The following TMTC1 variants were observed in gnomAD, a reference collection of about 807,000 sequenced individuals.
The protein encoded by TMTC1 is protein O-mannosyl-transferase TMTC1.
In TMTC1, 73 loss-of-function variants were observed where a neutral mutation model predicts 104.8. The ratio of observed to expected loss-of-function variants is 0.70; its 90% CI spans 0.58 to 0.85. TMTC1 has a LOEUF of 0.85. Ranked by LOEUF, TMTC1 falls within the 40% of genes least tolerant of loss-of-function variation. TMTC1 has a pLI of 0.00. For synonymous variants in TMTC1, 434 were observed against 428.7 expected (o/e 1.01, Z -0.15); for missense variants, 1,035 against 1,096.1 (o/e 0.94, Z 0.79).
chr12:29,548,488 C>T lies in TMTC1; in HGVS notation c.1676+8369G>A, dbSNP rs936474053. Among the ~76,000 whole-genome samples, 78 of 151,996 alleles carry T rather than the reference C, an allele frequency of 5.1e-4. 1 individual carries two copies. The highest frequency in any genetic ancestry group is 1.7e-3 in the African/African-American group (70 of 41,372). On this transcript the variant is annotated intron_variant, in intron 10 of 17. Transcript: ENST00000539277. Reference sequence around the variant, plus strand: ...GGGGCAGGTTTTCCCCATGTTGTTGCCCTGATAGTGAATAAGTCTCATGGA... The same window carrying T: ...GGGGCAGGTTTTCCCCATGTTGTTGTCCTGATAGTGAATAAGTCTCATGGA...
intron 7 of TMTC1, among the ~76,000 whole-genome samples, chr12:29,587,983 A>G (rs1946184490): frequency 6.6e-6 from 1 of 152,168 alleles, no homozygotes; most frequent in African/African-American, 2.4e-5. Flanking sequence ...AACAAGAGAG[A>G]GGCATTTGAG....
At chr12:29,697,498 A>T (rs1941459025) in intron 5 of TMTC1, among the ~76,000 whole-genome samples, 1 of 152,258 alleles carries the variant, frequency 6.6e-6, no homozygotes, top group Non-Finnish European at 1.5e-5. Flanking sequence ...TTCTCCAGAG[A>T]AACAGAACCA....
chr12:29,518,877 G>A (rs74081047), intron 12 of TMTC1, among the ~76,000 whole-genome samples: 5,211 of 152,172 alleles, frequency 0.034, 316 homozygotes, highest in African/African-American at 0.12. Flanking sequence ...TATTATTTTA[G>A]TCGAAATTTT....
chr12:29,665,085 T>C (rs1940221738), intron 5 of TMTC1, among the ~76,000 whole-genome samples: 1 of 152,150 alleles, frequency 6.6e-6, no homozygotes, highest in African/African-American at 2.4e-5. Context: ...TTGTGATCCT[T>C]GGATGTTCTC....
chr12:29,503,352 T>C lies in TMTC1; in HGVS notation c.*3494A>G, dbSNP rs554575411. Reference sequence around the variant, plus strand: ...TCACCTATGTTGTATCACTGAAACATGTTTTATAAATACTGTTAACAGATT... The same window carrying C: ...TCACCTATGTTGTATCACTGAAACACGTTTTATAAATACTGTTAACAGATT... On this transcript the variant is annotated 3_prime_UTR_variant, in exon 18 of 18. Coordinates refer to ENST00000539277, the MANE Select transcript of TMTC1 (RefSeq NM_001193451.2). The C allele has an allele frequency of 6.6e-6, 1 of 152,366 alleles. No individual in the cohort carries two copies. Among genetic ancestry groups the C allele is most frequent in the Non-Finnish European group, 1.5e-5 (1 of 68,034 alleles). The allele number at this position is 152,366 out of a possible 1,614,324, so 9.4% of individuals were successfully genotyped here.
chr12:29,672,374 G>A (rs1940551592), intron 5 of TMTC1, among the ~76,000 whole-genome samples: 1 of 152,210 alleles, frequency 6.6e-6, no homozygotes, highest in Non-Finnish European at 1.5e-5. Context: ...TCCATTGCTA[G>A]TGGGAGGGGT....
At position 29,780,726 on chromosome 12, in the gene TMTC1, T is replaced by C. The variant is rs1323063066; in HGVS notation, c.302+2724A>G. Among the ~76,000 whole-genome samples the C allele has an allele frequency of 2.0e-5, 3 of 152,196 alleles. 1 individual carries two copies. The highest frequency in any genetic ancestry group is 2.9e-5 in the Non-Finnish European group (2 of 68,036). On this transcript the variant is annotated intron_variant, in intron 1 of 17. Transcript: ENST00000539277. ...ATGCTGTAGATTGCATCAATATCAA[T>C]TTCCTGGTTGTAATATTATACCATA...
At chr12:29,519,845 T>C (rs16934393) in intron 12 of TMTC1, 1 of 152,236 alleles carries the variant, frequency 6.6e-6, no homozygotes, top group Admixed American at 6.5e-5. Flanking sequence ...TGTATCAGAA[T>C]GTAAATTTTA....
At chr12:29,622,413 T>G (rs900439184) in intron 6 of TMTC1, among the ~76,000 whole-genome samples, 2 of 152,210 alleles carry the variant, frequency 1.3e-5, no homozygotes, top group Non-Finnish European at 2.9e-5. Context: ...TAGTATTAAC[T>G]GCTCTAAATA....
At chr12:29,683,232 T>C (rs550264400) in intron 5 of TMTC1, among the ~76,000 whole-genome samples, 1 of 152,262 alleles carries the variant, frequency 6.6e-6, no homozygotes, top group African/African-American at 2.4e-5. Flanking sequence ...TCCTTTAATG[T>C]ACAATACCAG....
intron 8 of TMTC1, among the ~76,000 whole-genome samples, chr12:29,580,621 T>C (rs1263633083): frequency 6.6e-6 from 1 of 152,134 alleles, no homozygotes; most frequent in Non-Finnish European, 1.5e-5. Context: ...GAAGATGGAG[T>C]CTCTGCCAAG....
chr12:29,657,419 T>A (rs1652311196), intron 5 of TMTC1, among the ~76,000 whole-genome samples: 1 of 152,146 alleles, frequency 6.6e-6, no homozygotes, highest in South Asian at 2.1e-4. Context: ...CAAAGCTGGG[T>A]TAGAGAAGTC....
intron 5 of TMTC1, among the ~76,000 whole-genome samples, chr12:29,635,209 C>T (rs577567661): frequency 8.6e-5 from 13 of 151,830 alleles, no homozygotes; most frequent in Non-Finnish European, 1.8e-4. Flanking sequence ...AAAAAAATGC[C>T]GTTTATCTTT....
chr12:29,770,575 G>A (rs1413144402), intron 1 of TMTC1, among the ~76,000 whole-genome samples: 2 of 152,176 alleles, frequency 1.3e-5, no homozygotes, highest in African/African-American at 2.4e-5. Flanking sequence ...CCTGGTGTAT[G>A]AAGTGAATTC....
chr12:29,606,414 A>G (rs1482091522), intron 6 of TMTC1, among the ~76,000 whole-genome samples: 2 of 141,958 alleles, frequency 1.4e-5, no homozygotes, highest in Non-Finnish European at 3.2e-5. Flanking sequence ...TCTTCTTACA[A>G]TTGAAAACAG....
intron 5 of TMTC1, among the ~76,000 whole-genome samples, chr12:29,670,851 A>G (rs1940477012): frequency 6.8e-6 from 1 of 147,084 alleles, no homozygotes; most frequent in Admixed American, 7.0e-5. Context: ...GGATTGCTTG[A>G]GCCCAGAAGG....
At chr12:29,768,709 T>C (rs1376807953) in intron 1 of TMTC1, among the ~76,000 whole-genome samples, 1 of 152,238 alleles carries the variant, frequency 6.6e-6, no homozygotes, top group East Asian at 1.9e-4. Flanking sequence ...TTCCACAATG[T>C]GTATTAAATG....
Position 29,514,603 on chromosome 12 carries a change from G to A in TMTC1, c.2309C>T (p.Ala770Val), listed in dbSNP as rs1236832753. ...GAGAGCCTTGTCTATAGCATCAAGTGCCTGCAGAGGTTGGAAATTAAGACA... is the reference window on the plus strand; with the variant it reads ...GAGAGCCTTGTCTATAGCATCAAGTACCTGCAGAGGTTGGAAATTAAGACA... ...IYSKQENHDK[A>V]LDAIDKALQL... The change falls in exon 16 of 18, where the codon GCA becomes GTA. Residue 770 changes from alanine (A) to valine (V), a missense_variant and splice_region_variant. Ala to Val is a moderately conservative substitution (Grantham distance 64). Coordinates refer to ENST00000539277, the MANE Select transcript of TMTC1 (RefSeq NM_001193451.2). The A allele has an allele frequency of 1.9e-6, 3 of 1,605,250 alleles. No homozygotes were observed. The highest frequency in any genetic ancestry group is 2.7e-5 in the African/African-American group (2 of 74,140).
chr12:29,639,168 T>C (rs1938710747), intron 5 of TMTC1, among the ~76,000 whole-genome samples: 1 of 152,232 alleles, frequency 6.6e-6, no homozygotes, highest in Non-Finnish European at 1.5e-5. Flanking sequence ...AACAGCATTT[T>C]CGCTGCATTG....
Sources: gnomAD v4.1 joint callset for allele counts (sites outside exome capture counted in the v4.1 genomes callset) on GRCh38, gnomAD v4.1.1 for gene constraint, MANE v1.5 for transcripts, NCBI Gene and HGNC (gene_info 2026-07-23, HGNC 2026-07-21) for gene names.